Variants in MAOB observed in about 807,000 individuals in gnomAD.
MAOB encodes amine oxidase [flavin-containing] B.
Under a neutral mutation model 41.9 loss-of-function variants are expected in MAOB, and 15 were observed. That is an observed-to-expected ratio of 0.36 (90% confidence interval 0.24 to 0.55). MAOB has a LOEUF of 0.55. Among genes scored for constraint, MAOB ranks in the 20% least tolerant of loss-of-function variants. The pLI, the probability that MAOB is intolerant of heterozygous loss-of-function variation, is 0.86. For synonymous variants in MAOB, 167 were observed against 144.2 expected (o/e 1.16, Z -1.13); for missense variants, 345 against 398.7 (o/e 0.87, Z 1.15).
chrX:43,783,774 T>C (rs1235849962), intron 8 of MAOB, among the ~76,000 whole-genome samples: 2 of 111,723 alleles, frequency 1.8e-5, no homozygotes, highest in Non-Finnish European at 3.8e-5. Context: ...GTTTGCCACA[T>C]CAATTGACTC....
intron 3 of MAOB, among the ~76,000 whole-genome samples, chrX:43,815,493 C>G (rs2034800245): frequency 8.9e-6 from 1 of 111,877 alleles, no homozygotes; most frequent in Non-Finnish European, 1.9e-5. Flanking sequence ...GGCTGTTTCA[C>G]CACAATATTA....
At chrX:43,784,671 G>A (rs2034376955) in intron 8 of MAOB, among the ~76,000 whole-genome samples, 1 of 111,916 alleles carries the variant, frequency 8.9e-6, no homozygotes, top group Admixed American at 9.4e-5. Context: ...AGGGTCTTAG[G>A]ATTTCCTGAA....
chrX:43,802,268 A>T lies in MAOB; in HGVS notation c.385-5T>A. On this transcript the variant is annotated splice_polypyrimidine_tract_variant and splice_region_variant and intron_variant, in intron 4 of 14. Coordinates refer to ENST00000378069, the MANE Select transcript of MAOB (RefSeq NM_000898.5). ...CCATGGGGCATCACTCGGAATCTAC[A>T]TTCAGATGAGGATTCGAAGGAGAAA... The T allele has an allele frequency of 8.9e-7, 1 of 1,124,952 alleles. No individual in the cohort carries two copies. Among genetic ancestry groups the T allele is most frequent in the Non-Finnish European group, 1.2e-6 (1 of 821,024 alleles). The allele number at this position is 1,124,952 out of a possible 1,213,427, so 92.7% of individuals were successfully genotyped here.
chrX:43,812,894 T>C (rs952044445), intron 3 of MAOB, among the ~76,000 whole-genome samples: 1 of 111,873 alleles, frequency 8.9e-6, no homozygotes, highest in Admixed American at 9.5e-5. Flanking sequence ...ATGGGAGTCA[T>C]AGTGGCTGAG....
Position 43,767,364 on chromosome X carries a change from C to CT in MAOB, c.*101dup. 1 of 842,151 alleles carries CT rather than the reference C, an allele frequency of 1.2e-6. No individual in the cohort carries two copies. The highest frequency in any genetic ancestry group is 3.1e-5 in the Admixed American group (1 of 31,838). The allele number at this position is 842,151 out of a possible 1,213,427, so 69.4% of individuals were successfully genotyped here. A position where few individuals can be genotyped will look rare whatever the true frequency, so the allele number is the denominator to read the frequency against. On this transcript the variant is annotated 3_prime_UTR_variant, in exon 15 of 15. Coordinates refer to ENST00000378069, the MANE Select transcript of MAOB (RefSeq NM_000898.5). ...ATTTATCTTCATGCTCCCCGCCTCA[C>CT]TCCACACTATTTGTCTTCATGGAAC...
In MAOB at chrX:43,882,332, C is replaced by G; in HGVS notation, c.-33G>C. On this transcript the variant is annotated 5_prime_UTR_variant, in exon 1 of 15. Transcript: ENST00000378069. ...GCCCCGTTCCAGGCCTCCCTGGTGC[C>G]CGCTGCTCCGTTTTCTGGGCCTCGA... 8.4e-7 allele frequency: 1 copy of G among 1,194,307 alleles called. No individual in the cohort carries two copies. Among genetic ancestry groups the G allele is most frequent in the Non-Finnish European group, 1.1e-6 (1 of 887,540 alleles).
Position 43,778,247 on chromosome X carries a change from A to G in MAOB, c.1137+435T>C, listed in dbSNP as rs758415730. Among the ~76,000 whole-genome samples, 14 of 110,755 alleles carry G rather than the reference A, an allele frequency of 1.3e-4. No individual in the cohort carries two copies. In the East Asian group the frequency reaches 3.7e-3, roughly 30 times the overall value. ...TGGGGGATGGGGTAGGTATAGGTTT[A>G]TGTACCTGAGTGAGACTCTGTCCTT... On this transcript the variant is annotated intron_variant, in intron 11 of 14. Transcript: ENST00000378069.
chrX:43,839,478 A>G (rs1156920807), intron 2 of MAOB, among the ~76,000 whole-genome samples: 5 of 112,225 alleles, frequency 4.5e-5, no homozygotes, highest in African/African-American at 1.6e-4. Flanking sequence ...TTTATGTTTA[A>G]TAGTATATTT....
intron 3 of MAOB, among the ~76,000 whole-genome samples, chrX:43,837,640 G>A (rs1464954139): frequency 8.9e-6 from 1 of 112,373 alleles, no homozygotes; most frequent in Non-Finnish European, 1.9e-5. Context: ...TATTTGTTTC[G>A]ATATTATCAC....
intron 1 of MAOB, among the ~76,000 whole-genome samples, chrX:43,859,317 G>C (rs1225540370): frequency 2.7e-5 from 3 of 111,527 alleles, no homozygotes; most frequent in Middle Eastern, 4.2e-3. Flanking sequence ...ATCATCATCA[G>C]AAAGAATACT....
At chrX:43,807,604 C>A (rs1340225830) in intron 3 of MAOB, among the ~76,000 whole-genome samples, 1 of 112,654 alleles carries the variant, frequency 8.9e-6, no homozygotes, top group Non-Finnish European at 1.9e-5. Flanking sequence ...TGCTTAACTT[C>A]TCTGTGCTTC....
chrX:43,821,827 A>T (rs1000690582), intron 3 of MAOB, among the ~76,000 whole-genome samples: 7 of 112,252 alleles, frequency 6.2e-5, no homozygotes, highest in African/African-American at 2.3e-4. Context: ...AAGGTACCTG[A>T]TATTTATAAA....
intron 1 of MAOB, among the ~76,000 whole-genome samples, chrX:43,866,031 G>C (rs187885694): frequency 9.0e-6 from 1 of 110,787 alleles, no homozygotes; most frequent in African/African-American, 3.3e-5. Flanking sequence ...GCCCTAGGAA[G>C]AGCCACGGGA....
intron 1 of MAOB, among the ~76,000 whole-genome samples, chrX:43,856,998 C>G (rs1328423724): frequency 1.0e-5 from 1 of 96,632 alleles, no homozygotes; most frequent in Non-Finnish European, 2.0e-5. Context: ...GGATCCAGGG[C>G]CTTTCTACAC....
intron 1 of MAOB, among the ~76,000 whole-genome samples, chrX:43,871,914 G>A (rs974992080): frequency 2.7e-5 from 3 of 110,886 alleles, no homozygotes; most frequent in Non-Finnish European, 5.7e-5. Flanking sequence ...CTCTATCACA[G>A]GATTTGAATG....
At chrX:43,784,805 C>T (rs777086004) in intron 8 of MAOB, among the ~76,000 whole-genome samples, 4 of 112,068 alleles carry the variant, frequency 3.6e-5, no homozygotes, top group Admixed American at 9.4e-5. Flanking sequence ...TATGAAAGTC[C>T]TAGATGGCAT....
intron 2 of MAOB, among the ~76,000 whole-genome samples, chrX:43,843,357 TCA>T (rs61018201): frequency 0.17 from 14,154 of 83,392 alleles, 1,112 homozygotes; most frequent in Middle Eastern, 0.21. Context: ...TCTCTCTGTC[TCA>T]CACACACACA....
intron 2 of MAOB, among the ~76,000 whole-genome samples, chrX:43,840,513 G>C (rs941054231): frequency 9.0e-6 from 1 of 111,384 alleles, no homozygotes; most frequent in Non-Finnish European, 1.9e-5. Flanking sequence ...TGGTCGAATA[G>C]GAACAGCTCC....
At chrX:43,812,662 AT>A (rs1427498789) in intron 3 of MAOB, among the ~76,000 whole-genome samples, 4 of 112,417 alleles carry the variant, frequency 3.6e-5, no homozygotes, top group Non-Finnish European at 7.5e-5. Context: ...TGTTTTGTCC[AT>A]TTTTTGATCA....
Sources: allele counts gnomAD v4.1 joint callset (sites outside exome capture counted in the v4.1 genomes callset), GRCh38; gene constraint gnomAD v4.1.1; transcripts MANE v1.5; gene names NCBI Gene and HGNC (gene_info 2026-07-23, HGNC 2026-07-21).